GTF2H1: variants seen among roughly 807,000 people sequenced by gnomAD.
GTF2H1 encodes the protein BTF2 p62.
GTF2H1 carries 16 observed loss-of-function variants against 71.2 expected under a neutral mutation model. That is an observed-to-expected ratio of 0.22 (90% CI 0.15 to 0.34). The LOEUF is 0.34. GTF2H1 is among the 10% of genes least tolerant of loss of function. GTF2H1 has a pLI of 1.00. For synonymous variants in GTF2H1, 215 were observed against 219.0 expected (o/e 0.98, Z 0.16); for missense variants, 498 against 648.2 (o/e 0.77, Z 2.52).
intron 9 of GTF2H1, among the ~76,000 whole-genome samples, chr11:18,350,508 A>G (rs950252294): frequency 1.1e-4 from 17 of 152,180 alleles, no homozygotes; most frequent in African/African-American, 3.6e-4. Context: ...TTCCTGTACC[A>G]TAAAGGGACT....
chr11:18,336,072 TTTTG>T, intron 3 of GTF2H1, 126 bp downstream of exon 3: 1 of 624,896 alleles, frequency 1.6e-6, no homozygotes, highest in South Asian at 2.5e-5. Flanking sequence ...TTGTTGTCGT[TTTTG>T]TTTTTGTTTT....
At position 18,338,575 on chromosome 11, in the gene GTF2H1, C is replaced by T. The variant is rs184137064; in HGVS notation, c.513+301C>T. ...CCTCCTGCTTCAGCCTCTCAAGTAG[C>T]TGGGACTAGAGGTGTGCACCACCTT... is the stretch of plus-strand genomic sequence containing the variant. On this transcript the variant is annotated intron_variant, in intron 4 of 14. Transcript: ENST00000265963. Among the ~76,000 whole-genome samples the T allele has an allele frequency of 7.9e-5, 12 of 152,218 alleles. No individual in the cohort carries two copies. In the East Asian group the frequency reaches 1.9e-3, roughly 24 times the overall value.
intron 11 of GTF2H1, among the ~76,000 whole-genome samples, chr11:18,357,361 A>G (rs1000515681): frequency 6.6e-6 from 1 of 152,180 alleles, no homozygotes; most frequent in Non-Finnish European, 1.5e-5. Flanking sequence ...TGAAAATTAA[A>G]TGACAGTTAA....
chr11:18,342,410 T>C (rs1254970316), intron 7 of GTF2H1, among the ~76,000 whole-genome samples: 2 of 151,938 alleles, frequency 1.3e-5, no homozygotes, highest in Non-Finnish European at 1.5e-5. Context: ...TACAGGCACG[T>C]GCCACCACAC....
At chr11:18,343,326 G>A (rs982966865) in intron 7 of GTF2H1, among the ~76,000 whole-genome samples, 3 of 152,202 alleles carry the variant, frequency 2.0e-5, no homozygotes, top group African/African-American at 7.2e-5. Flanking sequence ...GTAATAAGTA[G>A]TAGGTAATAG....
rs4150663 is a variant in GTF2H1 at position 18,358,376 on chromosome 11, A to G, written c.1352-149A>G. Reference sequence around the variant, plus strand: ...TTAAATTTTATGATCTCTCAGCCACAAAATTACTAACTTATCTGAAAATAG... The same window carrying G: ...TTAAATTTTATGATCTCTCAGCCACGAAATTACTAACTTATCTGAAAATAG... On this transcript the variant is annotated intron_variant, in intron 12 of 14. Coordinates refer to ENST00000265963, the MANE Select transcript of GTF2H1 (RefSeq NM_005316.4). 1,011 of 575,724 alleles carry G rather than the reference A, an allele frequency of 1.8e-3. 9 individuals carry two copies. In the African/African-American group the frequency reaches 0.018, roughly 10 times the overall value. 35.7% of individuals were successfully genotyped at this position (575,724 alleles called of 1,614,324 possible).
chr11:18,345,878 C>T lies in GTF2H1; in HGVS notation c.838-1710C>T, dbSNP rs140867644. On this transcript the variant is annotated intron_variant, in intron 7 of 14. Coordinates refer to ENST00000265963, the MANE Select transcript of GTF2H1 (RefSeq NM_005316.4). ...CATCTCGGCTCACTGCAGGCTCTGCCCCCTGGGGTTCATGCCATTCTCCTG... is the reference window on the plus strand; with the variant it reads ...CATCTCGGCTCACTGCAGGCTCTGCTCCCTGGGGTTCATGCCATTCTCCTG... Among the ~76,000 whole-genome samples the T allele has an allele frequency of 1.8e-3, 266 of 150,416 alleles. 1 individual carries two copies. Among genetic ancestry groups the T allele is most frequent in the African/African-American group, 6.0e-3 (247 of 40,986 alleles).
Position 18,338,332 on chromosome 11 carries a change from T to G in GTF2H1, c.513+58T>G, listed in dbSNP as rs1865080327. 1 of 1,060,098 alleles carries G rather than the reference T, an allele frequency of 9.4e-7. No homozygotes were observed. The highest frequency in any genetic ancestry group is 2.4e-5 in the East Asian group (1 of 42,182). 65.7% of individuals were successfully genotyped at this position (1,060,098 alleles called of 1,614,324 possible). A position where few individuals can be genotyped will look rare whatever the true frequency, so the allele number is the denominator to read the frequency against. ...AAAAATTCAAACCCCAATATGTGTC[T>G]TAAGACCATTATTCCTTTTGTAAAA... On this transcript the variant is annotated intron_variant, in intron 4 of 14. Coordinates refer to ENST00000265963, the MANE Select transcript of GTF2H1 (RefSeq NM_005316.4).
intron 13 of GTF2H1, among the ~76,000 whole-genome samples, chr11:18,359,167 C>T (rs1462338618): frequency 1.3e-5 from 2 of 152,186 alleles, no homozygotes; most frequent in South Asian, 2.1e-4. Flanking sequence ...AAGCAACTCA[C>T]TAAAGAATGG....
intron 7 of GTF2H1, among the ~76,000 whole-genome samples, chr11:18,344,762 G>A (rs902136741): frequency 6.6e-6 from 1 of 151,986 alleles, no homozygotes; most frequent in Non-Finnish European, 1.5e-5. Context: ...ATACTTCTCA[G>A]TTGGGGCCAC....
At chr11:18,333,430 T>C (rs1029983527) in intron 2 of GTF2H1, 8 of 397,588 alleles carry the variant, frequency 2.0e-5, no homozygotes, top group Admixed American at 4.3e-5. Context: ...ACATATAATA[T>C]GTAAATCTAC....
chr11:18,365,720 G>T, intron 14 of GTF2H1, 63 bp from the exon 15 acceptor site: 1 of 1,060,952 alleles, frequency 9.4e-7, no homozygotes. Flanking sequence ...GCCAGATTTG[G>T]GTTGGAAGGA....
At chr11:18,358,803 A>G (rs558412577) in intron 13 of GTF2H1, among the ~76,000 whole-genome samples, 163 bp downstream of exon 13, 14 of 152,328 alleles carry the variant, frequency 9.2e-5, no homozygotes, top group African/African-American at 3.1e-4. Flanking sequence ...TGGAGTAGCT[A>G]TTGGTACCCA....
intron 11 of GTF2H1, among the ~76,000 whole-genome samples, chr11:18,353,007 C>T (rs1239534983): frequency 2.0e-5 from 3 of 152,222 alleles, no homozygotes; most frequent in Non-Finnish European, 4.4e-5. Flanking sequence ...GGGTGGATCA[C>T]GTGAGGTCAG....
At chr11:18,359,015 A>G (rs1865635470) in intron 13 of GTF2H1, among the ~76,000 whole-genome samples, 1 of 152,246 alleles carries the variant, frequency 6.6e-6, no homozygotes, top group Admixed American at 6.5e-5. Context: ...TAGCTTTTTA[A>G]CACTAAAACC....
intron 12 of GTF2H1, 93 bp from the exon 13 acceptor site, chr11:18,358,432 C>T: frequency 1.4e-6 from 1 of 707,688 alleles, no homozygotes; most frequent in Non-Finnish European, 2.5e-6. Context: ...ACAAAGAGTA[C>T]ACATTCAAAT....
intron 1 of GTF2H1, among the ~76,000 whole-genome samples, chr11:18,327,931 G>A (rs116702024): frequency 0.032 from 4,867 of 152,224 alleles, 262 homozygotes; most frequent in African/African-American, 0.11. Context: ...GGGGCAGGCC[G>A]GGTGTAGTGG....
intron 8 of GTF2H1, 52 bp from the exon 9 acceptor site, chr11:18,347,777 GTGT>G (rs1276954210): frequency 6.1e-5 from 97 of 1,596,008 alleles, no homozygotes; most frequent in Non-Finnish European, 7.8e-5. Context: ...TGGAGTTGTG[GTGT>G]TGTTTTGCTT....
intron 3 of GTF2H1, among the ~76,000 whole-genome samples, chr11:18,336,763 T>C (rs1865037845): frequency 1.3e-5 from 2 of 151,644 alleles, no homozygotes. Context: ...GAGAATTTTT[T>C]TTTTTTTTTG....
Sources: allele counts gnomAD v4.1 joint callset (sites outside exome capture counted in the v4.1 genomes callset), GRCh38; gene constraint gnomAD v4.1.1; transcripts MANE v1.5; gene names NCBI Gene and HGNC (gene_info 2026-07-23, HGNC 2026-07-21).